SYNPR: variants seen among roughly 807,000 people sequenced by gnomAD.
SYNPR encodes the protein synaptoporin.
In SYNPR, 23 loss-of-function variants were observed where a neutral mutation model predicts 32.9. That is an observed-to-expected ratio of 0.70 (90% confidence interval 0.50 to 0.99). The LOEUF (loss-of-function observed/expected upper bound fraction) is 0.99, where lower values mean the gene tolerates loss of function less well. Ranked by LOEUF, SYNPR falls within the 50% of genes least tolerant of loss-of-function variation. The pLI, the probability that SYNPR is intolerant of heterozygous loss-of-function variation, is 0.00. For missense variants in SYNPR, 318 were observed against 349.3 expected, an observed-to-expected ratio of 0.91 and a Z score of 0.71; for synonymous variants, 146 against 135.9, an observed-to-expected ratio of 1.07 and a Z score of -0.52.
chr3:63,206,440 A>G, the SYNPR span, among the ~76,000 whole-genome samples: 2 of 152,130 alleles, frequency 1.3e-5, no homozygotes, highest in African/African-American at 4.8e-5. Flanking sequence ...TGGTGCCTGT[A>G]GTCCCAGCTA....
At chr3:63,389,598 A>T (rs1033562148) in intron 2 of SYNPR, among the ~76,000 whole-genome samples, 1 of 152,182 alleles carries the variant, frequency 6.6e-6, no homozygotes, top group Non-Finnish European at 1.5e-5. Context: ...CGTGGGTATT[A>T]TGTGCCCACC....
chr3:63,458,620 A>G (rs971782110), intron 2 of SYNPR, among the ~76,000 whole-genome samples: 3 of 152,124 alleles, frequency 2.0e-5, no homozygotes, highest in Non-Finnish European at 4.4e-5. Flanking sequence ...TGTTGGTCAA[A>G]GCAAGTCACA....
intron 2 of SYNPR, chr3:63,445,679 A>G: frequency 1.8e-6 from 1 of 543,030 alleles, no homozygotes; most frequent in Admixed American, 3.1e-5. Context: ...TTACCTCTCC[A>G]TTTTACAGAT....
At chr3:63,442,435 C>T (rs1530856) in intron 2 of SYNPR, among the ~76,000 whole-genome samples, 99,098 of 152,048 alleles carry the variant, frequency 0.65, 33,184 homozygotes, top group African/African-American at 0.81. Flanking sequence ...CCCTGTGCTG[C>T]GGTATCTGCC....
intron 2 of SYNPR, among the ~76,000 whole-genome samples, chr3:63,373,368 A>C (rs1249420731): frequency 1.3e-5 from 2 of 152,226 alleles, no homozygotes; most frequent in African/African-American, 4.8e-5. Context: ...CAAAACAGCC[A>C]TCATAAGAAA....
At chr3:63,363,617 C>A (rs958515393) in intron 2 of SYNPR, among the ~76,000 whole-genome samples, 1 of 152,140 alleles carries the variant, frequency 6.6e-6, no homozygotes, top group Non-Finnish European at 1.5e-5. Context: ...CTCTGATCCT[C>A]GTTTTCTTCT....
At chr3:63,426,106 T>C (rs1415527588) in intron 2 of SYNPR, among the ~76,000 whole-genome samples, 2 of 152,174 alleles carry the variant, frequency 1.3e-5, no homozygotes, top group African/African-American at 4.8e-5. Context: ...TTTAAAAATG[T>C]CCTAGCATAT....
chr3:63,488,238 C>T (rs1260375374), intron 3 of SYNPR, among the ~76,000 whole-genome samples: 3 of 152,210 alleles, frequency 2.0e-5, no homozygotes, highest in African/African-American at 7.2e-5. Flanking sequence ...CTTGCAATTA[C>T]ATTTAAGTAT....
chr3:63,545,264 C>A (rs1415784218), intron 3 of SYNPR, among the ~76,000 whole-genome samples: 3 of 152,032 alleles, frequency 2.0e-5, no homozygotes, highest in African/African-American at 7.2e-5. Flanking sequence ...ACTTTTAGAA[C>A]CCAGCTCTTA....
chr3:63,308,213 G>C (rs1045244226), intron 2 of SYNPR, among the ~76,000 whole-genome samples: 2 of 151,928 alleles, frequency 1.3e-5, no homozygotes, highest in African/African-American at 4.8e-5. Flanking sequence ...TTTATTGTGG[G>C]TGGTCTATAA....
At chr3:63,395,813 C>CTT (rs910970801) in intron 2 of SYNPR, among the ~76,000 whole-genome samples, 1 of 149,588 alleles carries the variant, frequency 6.7e-6, no homozygotes, top group South Asian at 2.1e-4. Flanking sequence ...CTTAAATGTT[C>CTT]TTTTTTTTTT....
rs547294618 is a variant in SYNPR at position 63,255,827 on chromosome 3, A to T, written n.154+3241A>T. Among the ~76,000 whole-genome samples the T allele has an allele frequency of 1.6e-4, 24 of 152,310 alleles. No homozygotes were observed. The South Asian group carries it at 4.8e-3, about 30-fold the overall frequency. ...GGGAATTCCCTTTCCTAGTCAAAAA[A>T]AGGGGTGACAGATGGCACCTGGAAA... On this transcript the variant is annotated intron_variant and non_coding_transcript_variant, in intron 2 of 4. Coordinates refer to the SYNPR transcript ENST00000478456.
intron 1 of SYNPR, among the ~76,000 whole-genome samples, chr3:63,242,743 A>G (rs2086257814): frequency 6.6e-6 from 1 of 152,066 alleles, no homozygotes; most frequent in South Asian, 2.1e-4. Context: ...AAATGCTGCA[A>G]CCAAAAGGAA....
intron 2 of SYNPR, among the ~76,000 whole-genome samples, chr3:63,322,309 T>C (rs779896561): frequency 1.5e-4 from 23 of 152,118 alleles, no homozygotes; most frequent in African/African-American, 4.8e-4. Context: ...CAGTGCCACA[T>C]GTGGACTAGG....
At chr3:63,435,777 T>C (rs1307558562) in intron 2 of SYNPR, among the ~76,000 whole-genome samples, 5 of 152,236 alleles carry the variant, frequency 3.3e-5, no homozygotes, top group Non-Finnish European at 7.3e-5. Context: ...TATTTGATGG[T>C]TGTATTTTAC....
chr3:63,565,337 G>C (rs1048935812), intron 4 of SYNPR, among the ~76,000 whole-genome samples: 1 of 152,140 alleles, frequency 6.6e-6, no homozygotes, highest in Non-Finnish European at 1.5e-5. Context: ...TCTTCTCACA[G>C]TTCTGGAGGC....
At chr3:63,519,054 G>T (rs1701855044) in intron 3 of SYNPR, among the ~76,000 whole-genome samples, 1 of 152,138 alleles carries the variant, frequency 6.6e-6, no homozygotes, top group Admixed American at 6.6e-5. Context: ...TTTATGTGAT[G>T]TATCACATTT....
At chr3:63,390,927 T>C (rs1288461204) in intron 2 of SYNPR, among the ~76,000 whole-genome samples, 1 of 152,230 alleles carries the variant, frequency 6.6e-6, no homozygotes, top group Non-Finnish European at 1.5e-5. Context: ...ATCAGCCCCA[T>C]GCAGCTGGAA....
chr3:63,263,338 T>C (rs1256617148), intron 2 of SYNPR, among the ~76,000 whole-genome samples: 2 of 152,196 alleles, frequency 1.3e-5, no homozygotes, highest in Non-Finnish European at 2.9e-5. Flanking sequence ...CCCCAAAGTG[T>C]AATATCCTTT....
Sources: gnomAD v4.1 joint callset for allele counts (sites outside exome capture counted in the v4.1 genomes callset) on GRCh38, gnomAD v4.1.1 for gene constraint, MANE v1.5 for transcripts, NCBI Gene and HGNC (gene_info 2026-07-23, HGNC 2026-07-21) for gene names.